KIRREL3: variants seen among roughly 807,000 people sequenced by gnomAD.
KIRREL3 encodes the protein kin of IRRE-like protein 3.
A neutral mutation model predicts 89.7 loss-of-function variants in KIRREL3; 36 were observed. The ratio of observed to expected loss-of-function variants is 0.40; its 90% CI spans 0.31 to 0.53. The LOEUF (loss-of-function observed/expected upper bound fraction) is 0.53, where lower values mean the gene tolerates loss of function less well. Among genes scored for constraint, KIRREL3 ranks in the 20% least tolerant of loss-of-function variants. KIRREL3 has a pLI of 0.49. For missense variants in KIRREL3, 864 were observed against 1,056.6 expected, an observed-to-expected ratio of 0.82 and a Z score of 2.53; for synonymous variants, 445 against 441.4, an observed-to-expected ratio of 1.01 and a Z score of -0.10.
chr11:126,909,027 T>A lies in KIRREL3; in HGVS notation c.55+91428A>T, dbSNP rs1482027324. On this transcript the variant is annotated intron_variant, in intron 1 of 16. Transcript: ENST00000525144. This position sits in a 1 kb window ranked among gnomAD's most constrained non-coding sequence, Gnocchi z 4.5. ...TAAAGTTGTTATGTTAAATTTGTGT[T>A]ATTTTTTATTGTTGATTTGTATTTT... Among the ~76,000 whole-genome samples, 1 of 152,234 alleles carries A rather than the reference T, an allele frequency of 6.6e-6. No individual in the cohort carries two copies. The highest frequency in any genetic ancestry group is 1.9e-4 in the East Asian group (1 of 5,200).
intron 1 of KIRREL3, among the ~76,000 whole-genome samples, chr11:126,964,342 G>C (rs934626191): frequency 3.9e-5 from 6 of 152,258 alleles, no homozygotes; most frequent in Middle Eastern, 3.4e-3. Context: ...TGCAGACACA[G>C]GCTGGGTGGC....
rs919079337 is a variant in KIRREL3 at position 126,496,536 on chromosome 11, G to C, written c.434-23070C>G. Among the ~76,000 whole-genome samples, 1 of 152,040 alleles carries C rather than the reference G, an allele frequency of 6.6e-6. No homozygotes were observed. Among genetic ancestry groups the C allele is most frequent in the African/African-American group, 2.4e-5 (1 of 41,396 alleles). On this transcript the variant is annotated intron_variant, in intron 4 of 16. Coordinates refer to ENST00000525144, the MANE Select transcript of KIRREL3 (RefSeq NM_032531.4). The surrounding 1 kb of genome is among the most constrained non-coding windows in gnomAD (Gnocchi z 4.9). Reference sequence around the variant, plus strand: ...TCACAAATGAGAACCCAAGGTGTTGGCCAAGTTTGGAGGGAGGGGTGGGTG... The same window carrying C: ...TCACAAATGAGAACCCAAGGTGTTGCCCAAGTTTGGAGGGAGGGGTGGGTG...
In KIRREL3 at chr11:126,526,850, A is replaced by C. The variant is rs1006005357; in HGVS notation, c.134-163T>G. Among the ~76,000 whole-genome samples, 6 of 152,160 alleles carry C rather than the reference A, an allele frequency of 3.9e-5. No individual in the cohort carries two copies. The highest frequency in any genetic ancestry group is 7.4e-5 in the Non-Finnish European group (5 of 68,018). ...CTGGTAGAGCTTCCTAACTGGTCTCAGCCCCAGCTCTATTCCCTCCTATGG... is the reference window on the plus strand; with the variant it reads ...CTGGTAGAGCTTCCTAACTGGTCTCCGCCCCAGCTCTATTCCCTCCTATGG... On this transcript the variant is annotated intron_variant, in intron 2 of 16. Transcript: ENST00000525144. The surrounding 1 kb of genome is among the most constrained non-coding windows in gnomAD (Gnocchi z 5.7).
intron 1 of KIRREL3, among the ~76,000 whole-genome samples, chr11:126,959,430 A>ATGT (rs762348870): frequency 1.1e-4 from 16 of 152,058 alleles, no homozygotes; most frequent in Middle Eastern, 3.4e-3. Context: ...ATACCCCTAA[A>ATGT]TGTTGTTGTT....
chr11:126,487,208 T>G (rs774768227), intron 4 of KIRREL3, among the ~76,000 whole-genome samples: 7 of 152,050 alleles, frequency 4.6e-5, no homozygotes, highest in Non-Finnish European at 1.0e-4. Context: ...CATATCTTGG[T>G]TGGTTACAGG....
rs1937975050 is a variant in KIRREL3 at position 126,537,292 on chromosome 11, G to T, written c.134-10605C>A. On this transcript the variant is annotated intron_variant, in intron 2 of 16. Coordinates refer to ENST00000525144, the MANE Select transcript of KIRREL3 (RefSeq NM_032531.4). The surrounding 1 kb of genome is among the most constrained non-coding windows in gnomAD (Gnocchi z 4.3). ...ACTCTCAGGACATTCTGTGAAACTC[G>T]CTGAGAGTCTTGGATGGTCACATTT... 6.6e-6 allele frequency among the ~76,000 whole-genome samples: 1 copy of T among 152,160 alleles called. No individual in the cohort carries two copies. Among genetic ancestry groups the T allele is most frequent in the Non-Finnish European group, 1.5e-5 (1 of 68,034 alleles).
chr11:126,511,833 C>T (rs1958231770), intron 4 of KIRREL3, among the ~76,000 whole-genome samples: 3 of 152,190 alleles, frequency 2.0e-5, no homozygotes. Context: ...CCATAATTTG[C>T]TGTGAAACCC....
In KIRREL3 at chr11:126,734,462, G is replaced by C. The variant is rs1042602700; in HGVS notation, c.56-171550C>G. 2.0e-5 allele frequency among the ~76,000 whole-genome samples: 3 copies of C among 152,072 alleles called. No individual in the cohort carries two copies. Among genetic ancestry groups the C allele is most frequent in the African/African-American group, 7.2e-5 (3 of 41,388 alleles). ...GTGGATCACCTGAGGTCAGGAGTTC[G>C]AGACCAGCCTGACCAACATGGAGAA... On this transcript the variant is annotated intron_variant, in intron 1 of 16. Coordinates refer to ENST00000525144, the MANE Select transcript of KIRREL3 (RefSeq NM_032531.4). This position sits in a 1 kb window ranked among gnomAD's most constrained non-coding sequence, Gnocchi z 5.9.
At chr11:126,825,435 T>C (rs1434230417) in intron 1 of KIRREL3, among the ~76,000 whole-genome samples, 2 of 152,262 alleles carry the variant, frequency 1.3e-5, no homozygotes. Context: ...CCTTCTTCTT[T>C]ATTAATACAG....
chr11:126,890,319 G>A lies in KIRREL3; in HGVS notation c.55+110136C>T, dbSNP rs955132202. On this transcript the variant is annotated intron_variant, in intron 1 of 16. Coordinates refer to ENST00000525144, the MANE Select transcript of KIRREL3 (RefSeq NM_032531.4). This position sits in a 1 kb window ranked among gnomAD's most constrained non-coding sequence, Gnocchi z 5.1. ...GACCAGCAACAATAGCCGAGAAAGG[G>A]CTTGTACTGGCCATGCCAGAGTCTA... Among the ~76,000 whole-genome samples the A allele has an allele frequency of 1.3e-5, 2 of 152,220 alleles. No homozygotes were observed. The highest frequency in any genetic ancestry group is 4.8e-5 in the African/African-American group (2 of 41,466).
chr11:126,688,623 C>T (rs1011120481), intron 1 of KIRREL3, among the ~76,000 whole-genome samples: 6 of 152,174 alleles, frequency 3.9e-5, no homozygotes, highest in African/African-American at 1.4e-4. Flanking sequence ...GGGCCTTTAT[C>T]TTAGCTGCGT....
chr11:126,478,111 A>C (rs538898809), intron 4 of KIRREL3, among the ~76,000 whole-genome samples: 1 of 152,162 alleles, frequency 6.6e-6, no homozygotes, highest in South Asian at 2.1e-4. Context: ...CCCTGGCCCC[A>C]CTGCGTCTCT....
At chr11:126,880,628 A>G (rs1333465087) in intron 1 of KIRREL3, among the ~76,000 whole-genome samples, 1 of 144,688 alleles carries the variant, frequency 6.9e-6, no homozygotes, top group Non-Finnish European at 1.5e-5. Flanking sequence ...CTTGTTGTCA[A>G]AAGTTGTGGT....
chr11:126,915,235 T>G lies in KIRREL3; in HGVS notation c.55+85220A>C, dbSNP rs549609325. Among the ~76,000 whole-genome samples the G allele has an allele frequency of 9.2e-5, 14 of 152,332 alleles. 1 individual carries two copies. The South Asian group carries it at 2.3e-3, about 25-fold the overall frequency. ...CAGTATGTTTCTGATTCCTTTACACTTACATCATTAAAAGATTTTTGAGGG... is the reference window on the plus strand; with the variant it reads ...CAGTATGTTTCTGATTCCTTTACACGTACATCATTAAAAGATTTTTGAGGG... On this transcript the variant is annotated intron_variant, in intron 1 of 16. Coordinates refer to ENST00000525144, the MANE Select transcript of KIRREL3 (RefSeq NM_032531.4).
At position 126,429,863 on chromosome 11, in the gene KIRREL3, G is replaced by A. The variant is rs1357066474; in HGVS notation, c.1697-575C>T. ...TCTGTTAGAAAATTCTTGGCTGGGT[G>A]CGGTGGCTCACGCCTGTAATCCCAG... On this transcript the variant is annotated intron_variant, in intron 14 of 16. Transcript: ENST00000525144. The surrounding 1 kb of genome is among the most constrained non-coding windows in gnomAD (Gnocchi z 5.2). 1.2e-4 allele frequency among the ~76,000 whole-genome samples: 19 copies of A among 152,226 alleles called. No homozygotes were observed. The highest frequency in any genetic ancestry group is 1.2e-3 in the Admixed American group (19 of 15,278).
chr11:126,984,187 A>T (rs766630498), intron 1 of KIRREL3, among the ~76,000 whole-genome samples: 4 of 152,298 alleles, frequency 2.6e-5, no homozygotes, highest in Middle Eastern at 6.8e-3. Context: ...CTCACCTCTG[A>T]ATAGTGCCCT....
In KIRREL3 at chr11:126,558,399, C is replaced by T. The variant is rs1421089727; in HGVS notation, c.133+4436G>A. On this transcript the variant is annotated intron_variant, in intron 2 of 16. Coordinates refer to ENST00000525144, the MANE Select transcript of KIRREL3 (RefSeq NM_032531.4). This position sits in a 1 kb window ranked among gnomAD's most constrained non-coding sequence, Gnocchi z 4.0. ...GCCTTGCCACTTCCTCTCTTTCCAG[C>T]CACCCTGAAAAATGAAACCAAGCTG... Among the ~76,000 whole-genome samples the T allele has an allele frequency of 6.6e-6, 1 of 152,154 alleles. No homozygotes were observed. The highest frequency in any genetic ancestry group is 1.5e-5 in the Non-Finnish European group (1 of 68,036).
chr11:127,003,127 A>T (rs1449380509), upstream of KIRREL3: 1 of 152,334 alleles, frequency 6.6e-6, no homozygotes, highest in African/African-American at 2.4e-5. Context: ...AAAGAAAAAA[A>T]AAAAAGCTTG....
rs182855117 is a variant in KIRREL3, at chr11:126,521,230, A to G, written c.433+85T>C. 3.6e-6 allele frequency: 5 copies of G among 1,400,084 alleles called. No individual in the cohort carries two copies. The Admixed American group carries it at 1.0e-4, about 29-fold the overall frequency. The allele number at this position is 1,400,084 out of a possible 1,614,324, so 86.7% of individuals were successfully genotyped here. ...ATGATCCCCAGAGGGGAGTCTCCCCATGTCTGACCAAAAAAATACCCTCTT... is the reference window on the plus strand; with the variant it reads ...ATGATCCCCAGAGGGGAGTCTCCCCGTGTCTGACCAAAAAAATACCCTCTT... On this transcript the variant is annotated intron_variant, in intron 4 of 16. Transcript: ENST00000525144. This position sits in a 1 kb window ranked among gnomAD's most constrained non-coding sequence, Gnocchi z 4.1.
Sources: gnomAD v4.1 joint callset for allele counts (sites outside exome capture counted in the v4.1 genomes callset) on GRCh38, gnomAD v4.1.1 for gene constraint, Gnocchi (gnomAD v3.1) non-coding constraint, MANE v1.5 for transcripts, NCBI Gene and HGNC (gene_info 2026-07-23, HGNC 2026-07-21) for gene names.